CLYBL: variants seen among roughly 807,000 people sequenced by gnomAD.
CLYBL encodes citramalyl-CoA lyase, also known as citramalyl-CoA lyase, mitochondrial.
In CLYBL, 31 loss-of-function variants were observed where a neutral mutation model predicts 38.9. The observed-to-expected ratio is 0.80, with a 90% confidence interval of 0.60 to 1.08. CLYBL has a LOEUF of 1.08. Ranked by LOEUF, CLYBL falls within the 50% of genes least tolerant of loss-of-function variation. The pLI is 0.00. For synonymous variants in CLYBL, 171 were observed against 158.6 expected, an observed-to-expected ratio of 1.08 and a Z score of -0.59; for missense variants, 434 against 411.6, an observed-to-expected ratio of 1.05 and a Z score of -0.47.
At chr13:99,826,884 C>A (rs2050705503) in intron 2 of CLYBL, among the ~76,000 whole-genome samples, 1 of 152,124 alleles carries the variant, frequency 6.6e-6, no homozygotes, top group South Asian at 2.1e-4. Flanking sequence ...GTCTCGGGGC[C>A]CGAGGCAGTG....
chr13:99,771,020 C>CTTTTTTTTT (rs546998940), intron 1 of CLYBL, among the ~76,000 whole-genome samples: 8 of 120,238 alleles, frequency 6.7e-5, no homozygotes, highest in African/African-American at 1.8e-4. Flanking sequence ...ACGCGGGGCC[C>CTTTTTTTTT]TTTTTTTTTT....
intron 1 of CLYBL, among the ~76,000 whole-genome samples, chr13:99,725,914 C>T (rs2048464921): frequency 6.6e-6 from 1 of 152,176 alleles, no homozygotes; most frequent in Non-Finnish European, 1.5e-5. Context: ...ACGAAGGCAA[C>T]AGGTTAAAAG....
At chr13:99,625,834 T>G (rs1250266747) in intron 1 of CLYBL, among the ~76,000 whole-genome samples, 1 of 152,238 alleles carries the variant, frequency 6.6e-6, no homozygotes, top group Non-Finnish European at 1.5e-5. Flanking sequence ...CGAGCATTAC[T>G]GAGGCAGCTC....
chr13:99,614,930 C>G (rs1165862800), intron 1 of CLYBL, among the ~76,000 whole-genome samples: 1 of 152,196 alleles, frequency 6.6e-6, no homozygotes, highest in African/African-American at 2.4e-5. Context: ...AGACTCTGTC[C>G]TTGCAAATAA....
intron 1 of CLYBL, among the ~76,000 whole-genome samples, chr13:99,723,248 T>C (rs1410739318): frequency 1.3e-5 from 2 of 152,202 alleles, no homozygotes; most frequent in African/African-American, 4.8e-5. Flanking sequence ...TTTTCATATA[T>C]TTGGTAGATG....
rs2051708034 is a variant in CLYBL, at chr13:99,865,032, C to T, written c.634+121C>T. 2 of 770,658 alleles carry T rather than the reference C, an allele frequency of 2.6e-6. No homozygotes were observed. Among genetic ancestry groups the T allele is most frequent in the Non-Finnish European group, 2.3e-6 (1 of 432,308 alleles). The allele number at this position is 770,658 out of a possible 1,614,324, so 47.7% of individuals were successfully genotyped here. A position where few individuals can be genotyped will look rare whatever the true frequency, so the allele number is the denominator to read the frequency against. ...AACAATGTATATTTGCCAACCATGA[C>T]AATGGTTTTTCATGACAATGGAATG... On this transcript the variant is annotated intron_variant, in intron 5 of 8. Coordinates refer to ENST00000339105, the MANE Select transcript of CLYBL (RefSeq NM_206808.5). This position sits in a 1 kb window ranked among gnomAD's most constrained non-coding sequence, Gnocchi z 4.7.
chr13:99,751,937 A>G (rs2048966066), intron 1 of CLYBL, among the ~76,000 whole-genome samples: 1 of 152,192 alleles, frequency 6.6e-6, no homozygotes, highest in Non-Finnish European at 1.5e-5. Context: ...TGATTCATGG[A>G]TTATTGTTTT....
chr13:99,812,899 A>C (rs1330992175), intron 2 of CLYBL, among the ~76,000 whole-genome samples: 1 of 152,204 alleles, frequency 6.6e-6, no homozygotes, highest in Admixed American at 6.5e-5. Flanking sequence ...ATACTGCTGA[A>C]ATTGATTTGG....
At chr13:99,683,123 C>T (rs138701079) in intron 1 of CLYBL, among the ~76,000 whole-genome samples, 2,060 of 151,678 alleles carry the variant, frequency 0.014, 48 homozygotes, top group African/African-American at 0.047. Context: ...GCTCTGTCAC[C>T]CAGGCTGGAG....
At chr13:99,829,391 A>G (rs1227143291) in intron 2 of CLYBL, among the ~76,000 whole-genome samples, 1 of 152,204 alleles carries the variant, frequency 6.6e-6, no homozygotes, top group Non-Finnish European at 1.5e-5. Context: ...CCATGCCAAA[A>G]AGATCCGCCA....
chr13:99,728,419 C>T (rs1345416853), intron 1 of CLYBL, among the ~76,000 whole-genome samples: 6 of 151,700 alleles, frequency 4.0e-5, no homozygotes, highest in East Asian at 2.0e-4. Context: ...GCAGAGACTA[C>T]GGGTGTGTGC....
At chr13:99,676,223 T>C (rs2047646542) in intron 1 of CLYBL, among the ~76,000 whole-genome samples, 2 of 146,006 alleles carry the variant, frequency 1.4e-5, no homozygotes, top group African/African-American at 5.1e-5. Flanking sequence ...CTTCCTTCCT[T>C]CCTTCCTTCC....
rs1268785863 is a variant in CLYBL at position 99,770,065 on chromosome 13, CTTTTTCTTTTCTTTCT to C, written c.63-2753_63-2738del. Among the ~76,000 whole-genome samples the C allele has an allele frequency of 3.5e-3, 505 of 143,474 alleles. 1 individual carries two copies. The highest frequency in any genetic ancestry group is 0.012 in the African/African-American group (462 of 39,826). The allele number at this position is 143,474 out of a possible 152,430, so 94.1% of individuals were successfully genotyped here. ...TTTGCCAGGGTTTTAACTTTTCTTTCTTTTTCTTTTCTTTCTTTTTTTTTTTTTTTTTGAGATGGAG... is the reference window on the plus strand; with the variant it reads ...TTTGCCAGGGTTTTAACTTTTCTTTCTTTTTTTTTTTTTTTTGAGATGGAG... On this transcript the variant is annotated intron_variant, in intron 1 of 8. Transcript: ENST00000339105.
At chr13:99,676,182 G>GTCCTTCCT (rs1306416707) in intron 1 of CLYBL, among the ~76,000 whole-genome samples, 29 of 84,806 alleles carry the variant, frequency 3.4e-4, no homozygotes, top group South Asian at 7.5e-4. Flanking sequence ...CCTTCCCTCC[G>GTCCTTCCT]TCCGTCCTTC....
chr13:99,705,968 G>T (rs2048140681), intron 1 of CLYBL, among the ~76,000 whole-genome samples: 2 of 147,396 alleles, frequency 1.4e-5, no homozygotes, highest in Non-Finnish European at 3.0e-5. Context: ...TTTTCCTCTT[G>T]CTGCCCAGGC....
chr13:99,905,974 A>G (rs1033237468), intron 9 of CLYBL, among the ~76,000 whole-genome samples: 3 of 152,106 alleles, frequency 2.0e-5, no homozygotes, highest in African/African-American at 7.2e-5. Flanking sequence ...GGGTCTCACC[A>G]TGTTGCCCAG....
Position 99,715,794 on chromosome 13 carries a change from C to T in CLYBL, c.63-57030C>T, listed in dbSNP as rs551939078. Among the ~76,000 whole-genome samples the T allele has an allele frequency of 2.0e-5, 3 of 152,232 alleles. No individual in the cohort carries two copies. In the South Asian group the frequency reaches 6.2e-4, roughly 32 times the overall value. On this transcript the variant is annotated intron_variant, in intron 1 of 8. Transcript: ENST00000339105. ...TTGATGCTTTTGGCTTGTCATGTTTCTCAGGTCCCGGGGCTGCAGGAAGTT... is the reference window on the plus strand; with the variant it reads ...TTGATGCTTTTGGCTTGTCATGTTTTTCAGGTCCCGGGGCTGCAGGAAGTT...
intron 1 of CLYBL, among the ~76,000 whole-genome samples, chr13:99,638,481 C>T (rs1328897438): frequency 6.6e-6 from 1 of 152,214 alleles, no homozygotes; most frequent in Non-Finnish European, 1.5e-5. Context: ...TATTTATTAA[C>T]TACCTATTGT....
At chr13:99,692,678 G>A (rs1207332993) in intron 1 of CLYBL, among the ~76,000 whole-genome samples, 1 of 152,054 alleles carries the variant, frequency 6.6e-6, no homozygotes, top group Non-Finnish European at 1.5e-5. Flanking sequence ...TCTAATTCTA[G>A]AACATTTTCC....
Sources: allele counts gnomAD v4.1 joint callset (sites outside exome capture counted in the v4.1 genomes callset), GRCh38; gene constraint gnomAD v4.1.1; non-coding constraint Gnocchi (gnomAD v3.1); transcripts MANE v1.5; gene names NCBI Gene and HGNC (gene_info 2026-07-23, HGNC 2026-07-21).